Variants in HMG20A observed in about 807,000 individuals in gnomAD.
The protein encoded by HMG20A is high mobility group protein 20A.
In HMG20A, 17 loss-of-function variants were observed where a neutral mutation model predicts 43.9. The ratio of observed to expected loss-of-function variants is 0.39; its 90% CI spans 0.27 to 0.58. The LOEUF (loss-of-function observed/expected upper bound fraction) is 0.58, where lower values mean the gene tolerates loss of function less well. Ranked by LOEUF, HMG20A falls within the 20% of genes least tolerant of loss-of-function variation. The pLI is 0.59. For synonymous variants in HMG20A, 132 were observed against 147.5 expected, an observed-to-expected ratio of 0.89 and a Z score of 0.76; for missense variants, 341 against 438.2, an observed-to-expected ratio of 0.78 and a Z score of 1.98.
chr15:77,506,103 A>G, the HMG20A span, among the ~76,000 whole-genome samples: 26 of 152,134 alleles, frequency 1.7e-4, no homozygotes, highest in East Asian at 3.7e-3. Flanking sequence ...CCTTTAATTA[A>G]TTAATACAGG....
At chr15:77,504,892 T>C in the HMG20A span, among the ~76,000 whole-genome samples, 3 of 152,184 alleles carry the variant, frequency 2.0e-5, no homozygotes, top group African/African-American at 7.2e-5. Flanking sequence ...CTCCTGTGTC[T>C]ATGAGGCAAT....
At chr15:77,474,290 A>G (rs909993047) in intron 6 of HMG20A, among the ~76,000 whole-genome samples, 11 of 152,316 alleles carry the variant, frequency 7.2e-5, no homozygotes, top group South Asian at 4.1e-4. Flanking sequence ...TCCTAAATAC[A>G]TACTTATTTC....
the HMG20A span, among the ~76,000 whole-genome samples, chr15:77,506,434 C>T: frequency 1.8e-4 from 28 of 152,192 alleles, no homozygotes; most frequent in Non-Finnish European, 3.4e-4. Context: ...GCGTTCTCCC[C>T]GCAGGGTGAT....
the HMG20A span, among the ~76,000 whole-genome samples, chr15:77,512,042 CTG>C: frequency 3.1e-3 from 474 of 152,296 alleles, 3 homozygotes; most frequent in African/African-American, 0.011. Context: ...GATAAACAAA[CTG>C]TGGTATAACC....
the HMG20A span, among the ~76,000 whole-genome samples, chr15:77,500,289 G>T: frequency 2.0e-5 from 3 of 152,158 alleles, no homozygotes; most frequent in Admixed American, 2.0e-4. Flanking sequence ...ATTACACCTT[G>T]CAGAACCAGA....
intron 4 of HMG20A, among the ~76,000 whole-genome samples, chr15:77,470,532 GTGTGCCT>G: frequency 6.6e-6 from 1 of 152,304 alleles, no homozygotes; most frequent in South Asian, 2.1e-4. Context: ...GGAAGACTAA[GTGTGCCT>G]ATGTGGTGTG....
At chr15:77,432,368 TTAAACCCAAAGTAAG>T (rs1315168491) in intron 1 of HMG20A, among the ~76,000 whole-genome samples, 1 of 151,824 alleles carries the variant, frequency 6.6e-6, no homozygotes, top group East Asian at 1.9e-4. Context: ...GAACAGCAAA[TTAAACCCAAAGTAAG>T]TAGAAGAAAG....
chr15:77,518,511 T>G, the HMG20A span, among the ~76,000 whole-genome samples: 2 of 152,182 alleles, frequency 1.3e-5, no homozygotes, highest in African/African-American at 2.4e-5. Context: ...CTTACCTACA[T>G]TACTCACCAG....
the HMG20A span, among the ~76,000 whole-genome samples, chr15:77,516,993 G>A: frequency 1.8e-4 from 28 of 152,150 alleles, no homozygotes; most frequent in Non-Finnish European, 3.7e-4. Context: ...TCACCGTCCC[G>A]CACATGTCAG....
At chr15:77,506,585 C>T in the HMG20A span, among the ~76,000 whole-genome samples, 2 of 152,334 alleles carry the variant, frequency 1.3e-5, no homozygotes, top group African/African-American at 4.8e-5. Flanking sequence ...TTTTCTCTTC[C>T]TCCCAAAGTG....
At chr15:77,505,510 C>T in the HMG20A span, among the ~76,000 whole-genome samples, 1 of 152,178 alleles carries the variant, frequency 6.6e-6, no homozygotes, top group Admixed American at 6.5e-5. Flanking sequence ...TGCTCCCACA[C>T]CCTACGCCTC....
the HMG20A span, among the ~76,000 whole-genome samples, chr15:77,495,732 C>G: frequency 6.6e-6 from 1 of 152,164 alleles, no homozygotes; most frequent in Non-Finnish European, 1.5e-5. Context: ...GGACAATTGC[C>G]TGGCCAAAAA....
chr15:77,505,131 G>A, the HMG20A span, among the ~76,000 whole-genome samples: 629 of 152,312 alleles, frequency 4.1e-3, 4 homozygotes, highest in African/African-American at 0.014. Context: ...CATGTGAATA[G>A]GAGGAAGAAG....
chr15:77,512,755 A>G, the HMG20A span, among the ~76,000 whole-genome samples: 1 of 151,990 alleles, frequency 6.6e-6, no homozygotes, highest in Non-Finnish European at 1.5e-5. Flanking sequence ...CCTAATTTCA[A>G]ACTTACTCTA....
chr15:77,496,337 C>T, the HMG20A span, among the ~76,000 whole-genome samples: 1 of 152,138 alleles, frequency 6.6e-6, no homozygotes, highest in Non-Finnish European at 1.5e-5. Context: ...CTGGCTTCTG[C>T]GAGAAAATGT....
the HMG20A span, among the ~76,000 whole-genome samples, chr15:77,506,822 G>A: frequency 2.0e-5 from 3 of 152,364 alleles, no homozygotes; most frequent in East Asian, 5.8e-4. Context: ...CCTTGTAGGC[G>A]TTTCAGTGCC....
the HMG20A span, among the ~76,000 whole-genome samples, chr15:77,520,028 G>A: frequency 3.9e-5 from 6 of 151,978 alleles, no homozygotes; most frequent in East Asian, 3.9e-4. Context: ...GTGAAACCCC[G>A]TCTCTACTAA....
intron 3 of HMG20A, 117 bp downstream of exon 3, chr15:77,464,504 C>G (rs2072736911): frequency 3.0e-6 from 3 of 994,576 alleles, no homozygotes; most frequent in African/African-American, 1.6e-5. Context: ...AGGCTGATAC[C>G]TGCAAAATTT....
intron 1 of HMG20A, among the ~76,000 whole-genome samples, chr15:77,454,015 A>T (rs2072631284): frequency 6.6e-6 from 1 of 151,846 alleles, no homozygotes; most frequent in Non-Finnish European, 1.5e-5. Context: ...ACAAAAAAAA[A>T]AAAAAATTAA....
Sources: allele counts gnomAD v4.1 joint callset (sites outside exome capture counted in the v4.1 genomes callset), GRCh38; gene constraint gnomAD v4.1.1; transcripts MANE v1.5; gene names NCBI Gene and HGNC (gene_info 2026-07-23, HGNC 2026-07-21).